SPTLC2: variants seen among roughly 807,000 people sequenced by gnomAD.
The protein encoded by SPTLC2 is serine palmitoyltransferase 2.
SPTLC2 carries 21 observed loss-of-function variants against 62.0 expected under a neutral mutation model. The observed-to-expected ratio is 0.34, with a 90% CI of 0.24 to 0.49. The LOEUF (loss-of-function observed/expected upper bound fraction) is 0.49. SPTLC2 is among the 20% of genes least tolerant of loss of function. The pLI, the probability that SPTLC2 is intolerant of heterozygous loss-of-function variation, is 0.99. For missense variants in SPTLC2, 511 were observed against 713.0 expected, an observed-to-expected ratio of 0.72 and a Z score of 3.23; for synonymous variants, 261 against 261.8, an observed-to-expected ratio of 1.00 and a Z score of 0.03.
chr14:77,610,992 CAAAAAA>C (rs61504970), intron 1 of SPTLC2, among the ~76,000 whole-genome samples: 2 of 106,882 alleles, frequency 1.9e-5, no homozygotes, highest in Non-Finnish European at 3.6e-5. Flanking sequence ...CCCATCTCTA[CAAAAAA>C]AAAAAAAAAA....
At position 77,609,980 on chromosome 14, in the gene SPTLC2, G is replaced by A. The variant is rs536915382; in HGVS notation, c.132+6468C>T. On this transcript the variant is annotated intron_variant, in intron 1 of 11. Coordinates refer to ENST00000216484, the MANE Select transcript of SPTLC2 (RefSeq NM_004863.4). ...TGGGAGTAGAATTACTGGGCCACATGCTAACTCTATGTTTAACTGTTTCCT... is the reference window on the plus strand; with the variant it reads ...TGGGAGTAGAATTACTGGGCCACATACTAACTCTATGTTTAACTGTTTCCT... Among the ~76,000 whole-genome samples the A allele has an allele frequency of 1.9e-4, 29 of 152,260 alleles. 1 individual carries two copies. In the South Asian group the frequency reaches 6.0e-3, roughly 32 times the overall value.
chr14:77,557,939 T>C (rs963949731), intron 6 of SPTLC2, among the ~76,000 whole-genome samples: 2 of 152,086 alleles, frequency 1.3e-5, no homozygotes, highest in Non-Finnish European at 1.5e-5. Flanking sequence ...ACAGATTTCA[T>C]ACTTAAAATA....
intron 1 of SPTLC2, among the ~76,000 whole-genome samples, chr14:77,608,993 G>A (rs1418196654): frequency 1.3e-5 from 2 of 151,356 alleles, no homozygotes; most frequent in African/African-American, 2.4e-5. Flanking sequence ...TGATGGCAAT[G>A]TGTTTGGGGA....
chr14:77,563,212 G>C (rs935576154), intron 5 of SPTLC2, among the ~76,000 whole-genome samples: 3 of 152,088 alleles, frequency 2.0e-5, no homozygotes, highest in Admixed American at 2.0e-4. Context: ...TAGATGAAAA[G>C]GGTGCAGAAA....
At chr14:77,549,511 C>T (rs1319308236) in intron 9 of SPTLC2, among the ~76,000 whole-genome samples, 1 of 152,212 alleles carries the variant, frequency 6.6e-6, no homozygotes, top group Admixed American at 6.5e-5. Flanking sequence ...CTCCAAGTCA[C>T]TCCAGCCCAG....
At chr14:77,588,103 T>TA (rs1474658023) in intron 2 of SPTLC2, among the ~76,000 whole-genome samples, 1 of 152,110 alleles carries the variant, frequency 6.6e-6, no homozygotes, top group Non-Finnish European at 1.5e-5. Flanking sequence ...CATGCTTGGC[T>TA]AATTTTTAAA....
At chr14:77,616,316 T>C in intron 1 of SPTLC2, 132 bp downstream of exon 1, 2 of 455,110 alleles carry the variant, frequency 4.4e-6, no homozygotes, top group Middle Eastern at 6.9e-4. Context: ...GGCCGGACAC[T>C]GCCGCCCACA....
At chr14:77,540,205 CA>C (rs34847653) in intron 9 of SPTLC2, among the ~76,000 whole-genome samples, 30,538 of 87,764 alleles carry the variant, frequency 0.35, 2,607 homozygotes, top group East Asian at 0.5. Flanking sequence ...ACTCTTGTCT[CA>C]AAAAAAAAAA....
At chr14:77,596,614 A>G (rs1595012923) in intron 2 of SPTLC2, among the ~76,000 whole-genome samples, 1 of 152,246 alleles carries the variant, frequency 6.6e-6, no homozygotes. Flanking sequence ...AACCATGCTC[A>G]TATGTTTGCC....
At position 77,508,972 on chromosome 14, in the gene SPTLC2, T is replaced by A. The variant is rs2079319107; in HGVS notation, c.*3312A>T. 6.6e-6 allele frequency: 1 copy of A among 152,160 alleles called. No homozygotes were observed. Among genetic ancestry groups the A allele is most frequent in the African/African-American group, 2.4e-5 (1 of 41,442 alleles). 9.4% of individuals were successfully genotyped at this position (152,160 alleles called of 1,614,324 possible). On this transcript the variant is annotated 3_prime_UTR_variant, in exon 12 of 12. Coordinates refer to ENST00000216484, the MANE Select transcript of SPTLC2 (RefSeq NM_004863.4). The stretch of plus-strand genomic sequence containing the variant: ...AAAGGCCAAATAAAGGAAGAAGGCA[T>A]TACGGAGACAAATCACTGGAAGCAT...
At chr14:77,523,577 A>G (rs1456345221) in intron 9 of SPTLC2, among the ~76,000 whole-genome samples, 3 of 152,200 alleles carry the variant, frequency 2.0e-5, no homozygotes, top group Non-Finnish European at 4.4e-5. Flanking sequence ...AAACTAGCAG[A>G]GGCTGGGGAA....
intron 4 of SPTLC2, among the ~76,000 whole-genome samples, chr14:77,574,050 A>C (rs4903610): frequency 6.6e-6 from 1 of 152,134 alleles, no homozygotes; most frequent in Admixed American, 6.5e-5. Context: ...TCTCCAGAGC[A>C]TCAGACAGCA....
At chr14:77,522,464 G>A (rs1451028333) in intron 9 of SPTLC2, among the ~76,000 whole-genome samples, 1 of 152,092 alleles carries the variant, frequency 6.6e-6, no homozygotes, top group African/African-American at 2.4e-5. Context: ...CGCCTAGCCT[G>A]TTTCCTTAAA....
chr14:77,605,119 C>T (rs946354439), intron 1 of SPTLC2, among the ~76,000 whole-genome samples: 1 of 152,066 alleles, frequency 6.6e-6, no homozygotes, highest in Non-Finnish European at 1.5e-5. Flanking sequence ...TCATGTAATC[C>T]TCTCACTTCA....
chr14:77,545,225 G>A (rs1262915387), intron 9 of SPTLC2, among the ~76,000 whole-genome samples: 1 of 150,994 alleles, frequency 6.6e-6, no homozygotes, highest in African/African-American at 2.4e-5. Context: ...ATTCCTTTTT[G>A]GAAAGCTTTC....
At chr14:77,612,681 C>T (rs549661879) in intron 1 of SPTLC2, among the ~76,000 whole-genome samples, 2 of 152,288 alleles carry the variant, frequency 1.3e-5, no homozygotes, top group South Asian at 4.1e-4. Flanking sequence ...ACTGTTTCTC[C>T]CTCAGTGGAA....
At chr14:77,601,317 A>G (rs890039496) in intron 1 of SPTLC2, among the ~76,000 whole-genome samples, 10 of 152,226 alleles carry the variant, frequency 6.6e-5, no homozygotes, top group Admixed American at 5.2e-4. Context: ...TGTACTTTGT[A>G]ATCTCCCCCA....
In SPTLC2 at chr14:77,509,069, G is replaced by C. The variant is rs2079319563; in HGVS notation, c.*3215C>G. The C allele has an allele frequency of 6.6e-6, 1 of 152,192 alleles. No individual in the cohort carries two copies. The highest frequency in any genetic ancestry group is 6.6e-5 in the Admixed American group (1 of 15,260). The allele number at this position is 152,192 out of a possible 1,614,324, so 9.4% of individuals were successfully genotyped here. On this transcript the variant is annotated 3_prime_UTR_variant, in exon 12 of 12. Coordinates refer to ENST00000216484, the MANE Select transcript of SPTLC2 (RefSeq NM_004863.4). Reference sequence around the variant, plus strand: ...CTTAGTGGTTGTGTAGGATGCTTCTGTTCACCTTGATGACTACAGAAGCAA... The same window carrying C: ...CTTAGTGGTTGTGTAGGATGCTTCTCTTCACCTTGATGACTACAGAAGCAA...
At chr14:77,570,573 TA>T in intron 4 of SPTLC2, 65 bp from the exon 5 acceptor site, 2 of 1,597,462 alleles carry the variant, frequency 1.3e-6, no homozygotes, top group Non-Finnish European at 8.5e-7. Flanking sequence ...CTCATCACTT[TA>T]TTAAAAGAAA....
Sources: gnomAD v4.1 joint callset for allele counts (sites outside exome capture counted in the v4.1 genomes callset) on GRCh38, gnomAD v4.1.1 for gene constraint, MANE v1.5 for transcripts, NCBI Gene and HGNC (gene_info 2026-07-23, HGNC 2026-07-21) for gene names.